The following PDXDC1 variants were observed in gnomAD, a reference collection of about 807,000 sequenced individuals.
The protein encoded by PDXDC1 is pyridoxal-dependent decarboxylase domain-containing protein 1.
In PDXDC1, 42 loss-of-function variants were observed where a neutral mutation model predicts 100.1. The ratio of observed to expected loss-of-function variants is 0.42; its 90% CI spans 0.33 to 0.54. The LOEUF is 0.54. Ranked by LOEUF, PDXDC1 falls within the 20% of genes least tolerant of loss-of-function variation. The pLI is 0.10. For synonymous variants in PDXDC1, 260 were observed against 371.7 expected, an observed-to-expected ratio of 0.70 and a Z score of 3.46; for missense variants, 636 against 979.2, an observed-to-expected ratio of 0.65 and a Z score of 4.68.
At chr16:15,125,844 C>T (rs1287533999) in intron 16 of PDXDC1, 1 of 884,386 alleles carries the variant, frequency 1.1e-6, no homozygotes, top group Non-Finnish European at 1.9e-6. Flanking sequence ...GGCGGCAGCT[C>T]AGACCTGCTC....
chr16:15,147,475 G>A, the PDXDC1 span, among the ~76,000 whole-genome samples: 2 of 152,196 alleles, frequency 1.3e-5, no homozygotes, highest in African/African-American at 4.8e-5. Context: ...GAACACAGAG[G>A]GCTCAGCGCA....
intron 4 of PDXDC1, among the ~76,000 whole-genome samples, chr16:15,002,214 T>G (rs1441390088): frequency 4.6e-5 from 7 of 152,416 alleles, no homozygotes; most frequent in African/African-American, 1.7e-4. Flanking sequence ...ATTTTAAATT[T>G]AATGTTTTGA....
At chr16:14,974,763 G>C, upstream of PDXDC1, 1 of 1,535,500 alleles carries the variant, frequency 6.5e-7, no homozygotes. Flanking sequence ...ATGCCGGCGG[G>C]AGGTGAGGCG....
chr16:15,031,656 C>T (rs1384011169), intron 16 of PDXDC1, 79 bp from the exon 17 acceptor site: 1 of 1,295,846 alleles, frequency 7.7e-7, no homozygotes. Context: ...TTGACCTTCC[C>T]AGTAGTGGAA....
Position 15,036,491 on chromosome 16 carries a change from T to G in PDXDC1, c.*216T>G, listed in dbSNP as rs917021679. 9.0e-6 allele frequency: 5 copies of G among 558,412 alleles called. No homozygotes were observed. Among genetic ancestry groups the G allele is most frequent in the Admixed American group, 3.4e-5 (1 of 28,992 alleles). The allele number at this position is 558,412 out of a possible 1,614,324, so 34.6% of individuals were successfully genotyped here. On this transcript the variant is annotated 3_prime_UTR_variant, in exon 23 of 23. Coordinates refer to ENST00000396410, the MANE Select transcript of PDXDC1 (RefSeq NM_015027.4). ...TGTAGAACCACGTTTGCTGTCCTAC[T>G]ACGACTTTTCCCTAAGTTACCATAA...
chr16:15,086,008 A>C, intron 16 of PDXDC1: 1 of 680,042 alleles, frequency 1.5e-6, no homozygotes, highest in East Asian at 2.7e-5. Context: ...TATGTCTACC[A>C]GACCTGGTGC....
At chr16:15,027,732 C>A (rs1171542939) in intron 14 of PDXDC1, among the ~76,000 whole-genome samples, 3 of 152,290 alleles carry the variant, frequency 2.0e-5, no homozygotes, top group African/African-American at 7.2e-5. Flanking sequence ...CTCTCCATGA[C>A]CAGCCGCTTG....
chr16:15,124,744 C>T (rs1043766152), intron 16 of PDXDC1, among the ~76,000 whole-genome samples: 14 of 151,848 alleles, frequency 9.2e-5, no homozygotes, highest in African/African-American at 3.4e-4. Flanking sequence ...TGCACTCCAG[C>T]CTAGGCGACA....
At chr16:14,975,642 T>G in intron 1 of PDXDC1, 4 of 985,520 alleles carry the variant, frequency 4.1e-6, no homozygotes, top group Non-Finnish European at 4.8e-6. Flanking sequence ...TGTAGGTTTT[T>G]CTTGGTCTCC....
Position 15,001,959 on chromosome 16 carries a change from G to C in PDXDC1, c.242+103G>C, listed in dbSNP as rs1973257799. ...CAAATAAGAAGCTATATTTCATTGAGTTACATATGATATTAAAATAATCCT... is the reference window on the plus strand; with the variant it reads ...CAAATAAGAAGCTATATTTCATTGACTTACATATGATATTAAAATAATCCT... On this transcript the variant is annotated intron_variant, in intron 4 of 22. Transcript: ENST00000396410. 13 of 887,012 alleles carry C rather than the reference G, an allele frequency of 1.5e-5. No homozygotes were observed. In the South Asian group the frequency reaches 2.1e-4, roughly 14 times the overall value. 54.9% of individuals were successfully genotyped at this position (887,012 alleles called of 1,614,324 possible).
At chr16:15,054,941 A>C (rs1655750126) in intron 16 of PDXDC1, among the ~76,000 whole-genome samples, 1 of 152,140 alleles carries the variant, frequency 6.6e-6, no homozygotes, top group Non-Finnish European at 1.5e-5. Context: ...TGTGCTTCCC[A>C]TCTCAGAGTG....
chr16:15,022,460 A>C (rs2042277317), intron 12 of PDXDC1, among the ~76,000 whole-genome samples: 1 of 152,304 alleles, frequency 6.6e-6, no homozygotes, highest in Admixed American at 6.5e-5. Flanking sequence ...TACATTGCAA[A>C]TACAACAGAT....
intron 17 of PDXDC1, 192 bp from the exon 18 acceptor site, chr16:15,032,669 A>AAAAAAAAAAAAAAATT: frequency 2.2e-6 from 1 of 448,486 alleles, no homozygotes; most frequent in Non-Finnish European, 3.9e-6. Flanking sequence ...AAAAAAAAAA[A>AAAAAAAAAAAAAAATT]GGCTTTCCTG....
chr16:15,082,991 A>G (rs1248362726), intron 16 of PDXDC1, among the ~76,000 whole-genome samples: 3 of 151,922 alleles, frequency 2.0e-5, no homozygotes, highest in Non-Finnish European at 1.5e-5. Flanking sequence ...CTTGACTTGC[A>G]CATAGTAATA....
At chr16:15,129,959 C>T (rs1238417290) in intron 16 of PDXDC1, 66 of 1,416,334 alleles carry the variant, frequency 4.7e-5, no homozygotes, top group South Asian at 8.3e-5. Flanking sequence ...GGGGATGGCG[C>T]GGCCCCGGCT....
At chr16:15,052,550 T>C (rs1021118421) in intron 16 of PDXDC1, among the ~76,000 whole-genome samples, 11 of 152,178 alleles carry the variant, frequency 7.2e-5, no homozygotes, top group African/African-American at 2.7e-4. Flanking sequence ...TAAGAAATTA[T>C]GAGGCCCAAC....
At chr16:15,104,346 G>A (rs1059239) in intron 16 of PDXDC1, 115 of 1,591,834 alleles carry the variant, frequency 7.2e-5, no homozygotes, top group East Asian at 6.5e-4. Flanking sequence ...TTTATTCTTC[G>A]TTAGTTTCTT....
In PDXDC1 at chr16:14,987,736, C is replaced by T. The variant is rs569288100; in HGVS notation, c.22-10017C>T. Among the ~76,000 whole-genome samples the T allele has an allele frequency of 4.0e-4, 61 of 152,364 alleles. No individual in the cohort carries two copies. The South Asian group carries it at 7.5e-3, about 19-fold the overall frequency. On this transcript the variant is annotated intron_variant, in intron 1 of 22. Coordinates refer to ENST00000396410, the MANE Select transcript of PDXDC1 (RefSeq NM_015027.4). ...AAGCAGTTCTCCTGCCTCAGTCTCCCGAATAGCTGGGATTACAGGCACCCC... is the reference window on the plus strand; with the variant it reads ...AAGCAGTTCTCCTGCCTCAGTCTCCTGAATAGCTGGGATTACAGGCACCCC...
At chr16:15,099,900 A>G (rs1018990605) in intron 16 of PDXDC1, among the ~76,000 whole-genome samples, 1 of 152,240 alleles carries the variant, frequency 6.6e-6, no homozygotes, top group Non-Finnish European at 1.5e-5. Context: ...CCCCTAGAGT[A>G]GTTCTGTTGG....
Sources: gnomAD v4.1 joint callset for allele counts (sites outside exome capture counted in the v4.1 genomes callset) on GRCh38, gnomAD v4.1.1 for gene constraint, MANE v1.5 for transcripts, NCBI Gene and HGNC (gene_info 2026-07-23, HGNC 2026-07-21) for gene names.